FBXO24: variants seen among roughly 807,000 people sequenced by gnomAD.
The protein encoded by FBXO24 is F-box only protein 24.
In FBXO24, 30 loss-of-function variants were observed where a neutral mutation model predicts 63.5. The ratio of observed to expected loss-of-function variants is 0.47; its 90% confidence interval spans 0.35 to 0.64. The LOEUF (loss-of-function observed/expected upper bound fraction) is 0.64. Among genes scored for constraint, FBXO24 ranks in the 30% least tolerant of loss-of-function variants. The pLI is 0.00. For missense variants in FBXO24, 624 were observed against 763.4 expected, an observed-to-expected ratio of 0.82 and a Z score of 2.15; for synonymous variants, 300 against 305.0, an observed-to-expected ratio of 0.98 and a Z score of 0.17.
chr7:100,599,740 G>A (rs1802495346), intron 8 of FBXO24: 3 of 401,908 alleles, frequency 7.5e-6, no homozygotes, highest in Middle Eastern at 7.3e-4. Flanking sequence ...TGGCATAGAC[G>A]GGTGGGCTGA....
rs748106722 is a variant in FBXO24, at chr7:100,600,939, G to C, written c.*40G>C. ...GCCTAGTCCCTGGAGGAGGGAGTCC[G>C]GCCCCAGGCCAGGGACTAAGGAGCA... On this transcript the variant is annotated 3_prime_UTR_variant, in exon 10 of 10. Transcript: ENST00000241071. The surrounding 1 kb of genome is among the most constrained non-coding windows in gnomAD (Gnocchi z 6.3). 6.3e-7 allele frequency: 1 copy of C among 1,583,950 alleles called. No homozygotes were observed. The highest frequency in any genetic ancestry group is 8.6e-7 in the Non-Finnish European group (1 of 1,166,608).
intron 3 of FBXO24, among the ~76,000 whole-genome samples, chr7:100,590,558 G>A (rs912506426): frequency 2.6e-5 from 4 of 152,082 alleles, no homozygotes; most frequent in Admixed American, 6.6e-5. Flanking sequence ...CCCCGTTAGC[G>A]GCCTCCCTGC....
Position 100,594,354 on chromosome 7 carries a change from C to G in FBXO24, c.794-29C>G, listed in dbSNP as rs200677154. On this transcript the variant is annotated intron_variant, in intron 5 of 9. Transcript: ENST00000241071. This position sits in a 1 kb window ranked among gnomAD's most constrained non-coding sequence, Gnocchi z 4.2. ...TTATGTGGATATTGGAGAATCCCCT[C>G]CCCAACTAATTGCTTCCCCTACCCC... 2 of 1,608,740 alleles carry G rather than the reference C, an allele frequency of 1.2e-6. No individual in the cohort carries two copies. Among genetic ancestry groups the G allele is most frequent in the South Asian group, 2.2e-5 (2 of 90,236 alleles).
chr7:100,594,632 G>A lies in FBXO24; in HGVS notation c.952+91G>A. ...TTCACCCTTACTCCAGCTGCATGGTGAACCCCTGAGGGCATCCTAGTGAAA... is the reference window on the plus strand; with the variant it reads ...TTCACCCTTACTCCAGCTGCATGGTAAACCCCTGAGGGCATCCTAGTGAAA... On this transcript the variant is annotated intron_variant, in intron 6 of 9. Coordinates refer to ENST00000241071, the MANE Select transcript of FBXO24 (RefSeq NM_033506.3). This position sits in a 1 kb window ranked among gnomAD's most constrained non-coding sequence, Gnocchi z 4.2. The A allele has an allele frequency of 7.5e-7, 1 of 1,339,608 alleles. No individual in the cohort carries two copies. The highest frequency in any genetic ancestry group is 9.8e-7 in the Non-Finnish European group (1 of 1,021,126). The allele number at this position is 1,339,608 out of a possible 1,614,324, so 83.0% of individuals were successfully genotyped here.
At chr7:100,589,549 G>C in intron 1 of FBXO24, 1 of 1,417,686 alleles carries the variant, frequency 7.1e-7, no homozygotes, top group Non-Finnish European at 9.2e-7. Flanking sequence ...AAACAGTGAG[G>C]TCACAGAGAG....
chr7:100,595,938 G>C (rs1802285164), intron 8 of FBXO24, among the ~76,000 whole-genome samples: 1 of 152,208 alleles, frequency 6.6e-6, no homozygotes, highest in African/African-American at 2.4e-5. Context: ...TAGTGAAGGG[G>C]TAGGGTGGGT....
chr7:100,598,029 C>T (rs961013849), intron 8 of FBXO24, among the ~76,000 whole-genome samples: 2 of 151,720 alleles, frequency 1.3e-5, no homozygotes, highest in Non-Finnish European at 2.9e-5. Flanking sequence ...CTGGCCCCAT[C>T]CCATTTTTTG....
intron 5 of FBXO24, 72 bp downstream of exon 5, chr7:100,593,089 G>A: frequency 1.5e-6 from 2 of 1,317,684 alleles, no homozygotes; most frequent in South Asian, 2.5e-5. Flanking sequence ...AGAGGAGGGG[G>A]AGGGAGGCCC....
At chr7:100,590,500 C>T in intron 3 of FBXO24, 143 bp downstream of exon 3, 1 of 847,348 alleles carries the variant, frequency 1.2e-6, no homozygotes, top group Non-Finnish European at 1.8e-6. Flanking sequence ...CCAGTTCAAA[C>T]ATTCTCCCTT....
At chr7:100,598,705 A>G (rs1231355677) in intron 8 of FBXO24, among the ~76,000 whole-genome samples, 1 of 152,188 alleles carries the variant, frequency 6.6e-6, no homozygotes, top group East Asian at 1.9e-4. Flanking sequence ...AAGCATTTCA[A>G]CTAGCTCACA....
rs758262458 is a variant in FBXO24, at chr7:100,590,262, A to G, written c.227A>G (p.Glu76Gly). 1 of 1,614,002 alleles carries G rather than the reference A, an allele frequency of 6.2e-7. No individual in the cohort carries two copies. The highest frequency in any genetic ancestry group is 1.3e-5 in the African/African-American group (1 of 74,890). Residue 76 changes from glutamate to glycine, a missense_variant, in exon 3 of 10, where the codon GAA becomes GGA. Physicochemically the swap from Glu to Gly is moderately conservative, Grantham distance 98 (BLOSUM62 -2). Transcript: ENST00000241071. Reference protein sequence around the residue: ...CRYFHEVCDGEGVWRRICRRL... With the variant: ...CRYFHEVCDGGGVWRRICRRL... ...TACTTCCACGAAGTGTGCGATGGGGAAGGCGTGTGGAGACGCATCTGTCGC... is the reference window on the plus strand; with the variant it reads ...TACTTCCACGAAGTGTGCGATGGGGGAGGCGTGTGGAGACGCATCTGTCGC...
chr7:100,587,897 C>T (rs1051987492), intron 1 of FBXO24, among the ~76,000 whole-genome samples: 13 of 151,994 alleles, frequency 8.6e-5, no homozygotes, highest in Admixed American at 4.6e-4. Context: ...CGCACCCGGC[C>T]CACAGTGGAC....
intron 1 of FBXO24, among the ~76,000 whole-genome samples, chr7:100,587,936 C>T (rs999367385): frequency 2.6e-5 from 4 of 151,182 alleles, no homozygotes; most frequent in African/African-American, 7.3e-5. Flanking sequence ...CAGAGTCGCT[C>T]TGTTGCCCAG....
At chr7:100,589,667 G>C (rs1370170304) in intron 1 of FBXO24, 2 of 1,510,862 alleles carry the variant, frequency 1.3e-6, no homozygotes, top group Admixed American at 4.4e-5. Context: ...AGCAGGAACG[G>C]GGGGGCCAAG....
At chr7:100,591,421 A>C (rs992603171) in intron 3 of FBXO24, among the ~76,000 whole-genome samples, 1 of 152,304 alleles carries the variant, frequency 6.6e-6, no homozygotes, top group Middle Eastern at 3.4e-3. Context: ...GGTTGCACCA[A>C]AGAACTGCTC....
rs1802527086 is a variant in FBXO24 at position 100,600,261 on chromosome 7, C to T, written c.1377+60C>T. The T allele has an allele frequency of 2.1e-6, 3 of 1,460,232 alleles. No individual in the cohort carries two copies. The highest frequency in any genetic ancestry group is 2.7e-6 in the Non-Finnish European group (3 of 1,101,762). The allele number at this position is 1,460,232 out of a possible 1,614,324, so 90.5% of individuals were successfully genotyped here. ...AGGATGAGAGCCATGAACCAGGAAG[C>T]CCACAGGCTGTAGCTGGGGCTCCTG... On this transcript the variant is annotated intron_variant, in intron 9 of 9. Coordinates refer to ENST00000241071, the MANE Select transcript of FBXO24 (RefSeq NM_033506.3). This position sits in a 1 kb window ranked among gnomAD's most constrained non-coding sequence, Gnocchi z 6.3.
chr7:100,595,509 ACT>A (rs1802263956), intron 7 of FBXO24, 64 bp from the exon 8 acceptor site: 3 of 1,502,040 alleles, frequency 2.0e-6, no homozygotes, highest in Middle Eastern at 2.0e-4. Flanking sequence ...TGGCTTGGAG[ACT>A]CTGGAACTCA....
chr7:100,597,540 C>T (rs966132434), intron 8 of FBXO24, among the ~76,000 whole-genome samples: 2 of 151,846 alleles, frequency 1.3e-5, no homozygotes, highest in African/African-American at 2.4e-5. Flanking sequence ...GATTACAGCG[C>T]CCACCACCAT....
Position 100,589,529 on chromosome 7 carries a change from C to A in FBXO24, c.40-448C>A. 2.9e-6 allele frequency: 4 copies of A among 1,391,826 alleles called. No homozygotes were observed. The South Asian group carries it at 7.6e-5, about 26-fold the overall frequency. 86.2% of individuals were successfully genotyped at this position (1,391,826 alleles called of 1,614,324 possible). Reference sequence around the variant, plus strand: ...CTGGGCAAGATTAAAGGGAACAGGTCACAGTGGCCAAACAGTGAGGTCACA... The same window carrying A: ...CTGGGCAAGATTAAAGGGAACAGGTAACAGTGGCCAAACAGTGAGGTCACA... On this transcript the variant is annotated intron_variant, in intron 1 of 9. Transcript: ENST00000241071.
Sources: gnomAD v4.1 joint callset for allele counts (sites outside exome capture counted in the v4.1 genomes callset) on GRCh38, gnomAD v4.1.1 for gene constraint, Gnocchi (gnomAD v3.1) non-coding constraint, MANE v1.5 for transcripts, NCBI Gene and HGNC (gene_info 2026-07-23, HGNC 2026-07-21) for gene names.